The following DNHD1 variants were observed in gnomAD, a reference collection of about 807,000 sequenced individuals.
DNHD1 encodes the protein dynein heavy chain domain 1.
In DNHD1, 383 loss-of-function variants were observed where a neutral mutation model predicts 458.1. That is an observed-to-expected ratio of 0.84 (90% confidence interval 0.77 to 0.91). The LOEUF (loss-of-function observed/expected upper bound fraction) is 0.91, where lower values mean the gene tolerates loss of function less well. Among genes scored for constraint, DNHD1 ranks in the 40% least tolerant of loss-of-function variants. The pLI, the probability that DNHD1 is intolerant of heterozygous loss-of-function variation, is 0.00. For missense variants in DNHD1, 5,336 were observed against 5,866.1 expected, an observed-to-expected ratio of 0.91 and a Z score of 2.95; for synonymous variants, 2,203 against 2,376.9, an observed-to-expected ratio of 0.93 and a Z score of 2.13.
In DNHD1 at chr11:6,571,388, C is replaced by G; in HGVS notation, c.13876C>G (p.Arg4626Gly). 6.2e-7 allele frequency: 1 copy of G among 1,609,498 alleles called. No individual in the cohort carries two copies. The highest frequency in any genetic ancestry group is 8.5e-7 in the Non-Finnish European group (1 of 1,177,222). Residue 4626 changes from arginine to glycine, a missense_variant, in exon 42 of 43, where the codon CGT (arginine) becomes GGT (glycine). Coordinates refer to ENST00000254579, the MANE Select transcript of DNHD1 (RefSeq NM_144666.3). This position sits in a 1 kb window ranked among gnomAD's most constrained non-coding sequence, Gnocchi z 5.0. ...GSVSSQLQYK[R>G]LEMNSNPLHF... ...GGTCTCCAGTCAGCTCCAGTATAAACGTCTGGAGATGAACAGCAACCCTCT... is the reference window on the plus strand; with the variant it reads ...GGTCTCCAGTCAGCTCCAGTATAAAGGTCTGGAGATGAACAGCAACCCTCT...
chr11:6,519,482 A>G (rs771207445), intron 7 of DNHD1, 118 bp from the exon 8 acceptor site: 13 of 1,132,222 alleles, frequency 1.1e-5, no homozygotes, highest in African/African-American at 1.6e-5. Context: ...GGAGCCCTCC[A>G]TATGTATATC....
rs191374775 is a variant in DNHD1, at chr11:6,499,145, T to C, written c.746+184T>C. 1.6e-3 allele frequency among the ~76,000 whole-genome samples: 251 copies of C among 152,318 alleles called. 1 individual carries two copies. Among genetic ancestry groups the C allele is most frequent in the Non-Finnish European group, 2.2e-3 (152 of 68,016 alleles). On this transcript the variant is annotated intron_variant, in intron 3 of 42. Coordinates refer to ENST00000254579, the MANE Select transcript of DNHD1 (RefSeq NM_144666.3). Reference sequence around the variant, plus strand: ...CTTTTTCTCTGCAAAATAAACCCAGTGGTGTTAGTCTTAATCCCCATAGAG... The same window carrying C: ...CTTTTTCTCTGCAAAATAAACCCAGCGGTGTTAGTCTTAATCCCCATAGAG...
rs373837327 is a variant in DNHD1 at position 6,568,820 on chromosome 11, C to T, written c.12817C>T (p.His4273Tyr). 7 of 1,613,006 alleles carry T rather than the reference C, an allele frequency of 4.3e-6. No individual in the cohort carries two copies. Among genetic ancestry groups the T allele is most frequent in the Non-Finnish European group, 5.9e-6 (7 of 1,179,600 alleles). Residue 4273 changes from histidine to tyrosine, a missense_variant, in exon 39 of 43, where the codon CAC becomes TAC. By Grantham distance (83) the His-to-Tyr change is moderately conservative. This residue lies in a region of DNHD1 where 698 missense variants were observed against 664.9 expected (regional missense o/e 1.05). Coordinates refer to ENST00000254579, the MANE Select transcript of DNHD1 (RefSeq NM_144666.3). ...PLLLLHGLLL[H>Y]RQLYGTRLQA... ...GCTCCTCCTCCATGGCCTCCTGCTA[C>T]ACCGGCAGCTCTATGGAACAAGGCT...
chr11:6,552,138 A>T (rs1853367915), intron 24 of DNHD1, among the ~76,000 whole-genome samples: 2 of 149,892 alleles, frequency 1.3e-5, no homozygotes, highest in South Asian at 4.3e-4. Context: ...TATGCTAATA[A>T]ATTTAGCAAC....
chr11:6,525,811 G>A (rs942603508), intron 10 of DNHD1, among the ~76,000 whole-genome samples: 4 of 152,028 alleles, frequency 2.6e-5, no homozygotes, highest in Non-Finnish European at 4.4e-5. Context: ...AAAAGCCTTC[G>A]ATAGTCTAAT....
intron 14 of DNHD1, among the ~76,000 whole-genome samples, chr11:6,537,938 A>AG (rs1225889787): frequency 6.6e-6 from 1 of 152,176 alleles, no homozygotes; most frequent in East Asian, 1.9e-4. Context: ...CTCAAAAAAA[A>AG]AAGAAGATGC....
Position 6,511,433 on chromosome 11 carries a change from A to G in DNHD1, c.1392+4A>G, listed in dbSNP as rs754391712. Reference sequence around the variant, plus strand: ...CTGCACATCCATTCTTCGACTGGTAAGAGGCTCTTAGTTTATTGTGGACCT... The same window carrying G: ...CTGCACATCCATTCTTCGACTGGTAGGAGGCTCTTAGTTTATTGTGGACCT... On this transcript the variant is annotated splice_donor_region_variant and intron_variant, in intron 7 of 42. Coordinates refer to ENST00000254579, the MANE Select transcript of DNHD1 (RefSeq NM_144666.3). 1.2e-6 allele frequency: 2 copies of G among 1,613,704 alleles called. No individual in the cohort carries two copies. The highest frequency in any genetic ancestry group is 2.2e-5 in the East Asian group (1 of 44,862).
chr11:6,562,546 A>C (rs1853606663), intron 28 of DNHD1, among the ~76,000 whole-genome samples: 1 of 152,096 alleles, frequency 6.6e-6, no homozygotes, highest in African/African-American at 2.4e-5. Flanking sequence ...GATGAGGAAT[A>C]GTTAAGGGCT....
In DNHD1 at chr11:6,563,802, G is replaced by C; in HGVS notation, c.9962G>C (p.Arg3321Pro). The change falls in exon 31 of 43, where the codon CGA becomes CCA. Residue 3321 changes from arginine to proline, a missense_variant. Arg to Pro is a moderately radical substitution (Grantham distance 103, BLOSUM62 -2). Coordinates refer to ENST00000254579, the MANE Select transcript of DNHD1 (RefSeq NM_144666.3). ...MDDAALRAVS[R>P]PAASLAAWLW... ...GATGCAGCCCTGCGGGCAGTGAGCC[G>C]ACCTGCAGCCAGCCTGGCAGCCTGG... 2 of 1,551,632 alleles carry C rather than the reference G, an allele frequency of 1.3e-6. No homozygotes were observed. Among genetic ancestry groups the C allele is most frequent in the African/African-American group, 2.7e-5 (2 of 73,180 alleles).
At chr11:6,510,685 A>T (rs535750627) in intron 6 of DNHD1, among the ~76,000 whole-genome samples, 1 of 152,222 alleles carries the variant, frequency 6.6e-6, no homozygotes, top group Non-Finnish European at 1.5e-5. Flanking sequence ...CACTGTGAAT[A>T]CAAAGTGCCA....
chr11:6,498,256 A>C lies in DNHD1; in HGVS notation c.41A>C (p.Glu14Ala). The C allele has an allele frequency of 6.2e-7, 1 of 1,614,140 alleles. No individual in the cohort carries two copies. The highest frequency in any genetic ancestry group is 1.1e-5 in the South Asian group (1 of 91,084). Residue 14 changes from glutamate (E) to alanine (A), a missense_variant, in exon 3 of 43, where the codon GAG (glutamate) becomes GCG (alanine). By Grantham distance (107) the Glu-to-Ala change is moderately radical. This residue lies in a region of DNHD1 where 3,932 missense variants were observed against 4,365.6 expected (regional missense o/e 0.90). Transcript: ENST00000254579. ...AGGAGGGTAGGTTTGTCTTCTGATG[A>C]GACATCATCTGATTCCCTTAAGTCT... ...EERRVGLSSD[E>A]TSSDSLKSWH...
intron 12 of DNHD1, among the ~76,000 whole-genome samples, chr11:6,530,949 A>G (rs1852816592): frequency 9.1e-5 from 1 of 11,014 alleles, no homozygotes; most frequent in Admixed American, 1.9e-3. Flanking sequence ...TGGATTTAGA[A>G]CCCTGTCTGT....
chr11:6,557,582 A>C lies in DNHD1; in HGVS notation c.8287A>C (p.Ser2763Arg). The stretch of plus-strand genomic sequence containing the variant: ...ACCAGTAAGCAGGGGGATGAAGGAA[A>C]GCATAAGTCACAAGATAAGGCAAGA... ...IGPVSRGMKE[S>R]ISHKIRQEKG... Residue 2763 changes from serine (S) to arginine (R), a missense_variant, in exon 25 of 43, where the codon AGC becomes CGC. By Grantham distance (110) the Ser-to-Arg change is moderately radical. Transcript: ENST00000254579. The C allele has an allele frequency of 6.4e-7, 1 of 1,551,826 alleles. No homozygotes were observed. Among genetic ancestry groups the C allele is most frequent in the Non-Finnish European group, 8.7e-7 (1 of 1,147,008 alleles).
At chr11:6,536,169 T>C (rs1589879997) in intron 14 of DNHD1, among the ~76,000 whole-genome samples, 1 of 152,100 alleles carries the variant, frequency 6.6e-6, no homozygotes, top group Admixed American at 6.5e-5. Flanking sequence ...GACTGTATAC[T>C]TCAAAGATGT....
At chr11:6,528,418 TGTGTGTGTGTGTGTGTGTAC>T in intron 10 of DNHD1, 84 bp from the exon 11 acceptor site, 1 of 1,264,528 alleles carries the variant, frequency 7.9e-7, no homozygotes, top group South Asian at 1.5e-5. Context: ...TGTGTGTGTG[TGTGTGTGTGTGTGTGTGTAC>T]ACACACTGAG....
At position 6,545,516 on chromosome 11, in the gene DNHD1, C is replaced by T. The variant is rs1345219740; in HGVS notation, c.4577C>T (p.Ala1526Val). The change falls in exon 21 of 43, where the codon GCT becomes GTT. Residue 1526 changes from alanine (A) to valine (V), a missense_variant. This residue lies in a region of DNHD1 where 3,932 missense variants were observed against 4,365.6 expected (regional missense o/e 0.90). Transcript: ENST00000254579. The surrounding 1 kb of genome is among the most constrained non-coding windows in gnomAD (Gnocchi z 4.9). Reference sequence around the variant, plus strand: ...GTATGGCGGGCCGAGATGGAGGAGGCTCTGCTTGAGTGGGGTACCCTGGCC... The same window carrying T: ...GTATGGCGGGCCGAGATGGAGGAGGTTCTGCTTGAGTGGGGTACCCTGGCC... The part of the protein sequence containing the change: ...EVVWRAEMEE[A>V]LLEWGTLAMV... 1.3e-6 allele frequency: 2 copies of T among 1,551,574 alleles called. No homozygotes were observed. Among genetic ancestry groups the T allele is most frequent in the South Asian group, 2.4e-5 (2 of 84,056 alleles).
chr11:6,498,469 A>G lies in DNHD1; in HGVS notation c.254A>G (p.His85Arg), dbSNP rs1460566805. ...DSSPAAWRYL[H>R]AVLGLLPPYR... ...AGCCCTGCAGCTTGGCGCTATCTTC[A>G]TGCAGTACTGGGTCTACTGCCTCCA... is the stretch of plus-strand genomic sequence containing the variant. The change falls in exon 3 of 43, where the codon CAT (histidine) becomes CGT (arginine). Residue 85 changes from histidine to arginine, a missense_variant. Physicochemically the swap from His to Arg is conservative, Grantham distance 29. This residue lies in a region of DNHD1 where 3,932 missense variants were observed against 4,365.6 expected (regional missense o/e 0.90). Transcript: ENST00000254579. 2 of 1,614,168 alleles carry G rather than the reference A, an allele frequency of 1.2e-6. No individual in the cohort carries two copies. Among genetic ancestry groups the G allele is most frequent in the Admixed American group, 1.7e-5 (1 of 60,018 alleles).
At chr11:6,518,833 G>A (rs1852544654) in intron 7 of DNHD1, among the ~76,000 whole-genome samples, 1 of 151,954 alleles carries the variant, frequency 6.6e-6, no homozygotes, top group South Asian at 2.1e-4. Flanking sequence ...CTTATGCTTG[G>A]GTCTGAGAAG....
In DNHD1 at chr11:6,570,120, C is replaced by G. The variant is rs200582992; in HGVS notation, c.12955+20C>G. 122 of 1,613,728 alleles carry G rather than the reference C, an allele frequency of 7.6e-5. No individual in the cohort carries two copies. The East Asian group carries it at 2.5e-3, about 34-fold the overall frequency. ...TGGCTGGTGAGACCCTTCCTCTCCC[C>G]CTTGGAGTCATCAGCCCCCAGGAGA... On this transcript the variant is annotated intron_variant, in intron 40 of 42. Coordinates refer to ENST00000254579, the MANE Select transcript of DNHD1 (RefSeq NM_144666.3).
Sources: allele counts gnomAD v4.1 joint callset (sites outside exome capture counted in the v4.1 genomes callset), GRCh38; gene constraint gnomAD v4.1.1; regional missense constraint gnomAD v4.1.1; non-coding constraint Gnocchi (gnomAD v3.1); transcripts MANE v1.5; gene names NCBI Gene and HGNC (gene_info 2026-07-23, HGNC 2026-07-21).